KCNU1: variants seen among roughly 807,000 people sequenced by gnomAD.
KCNU1 encodes potassium channel subfamily U member 1.
Under a neutral mutation model 126.8 loss-of-function variants are expected in KCNU1, and 93 were observed. The ratio of observed to expected loss-of-function variants is 0.73; its 90% CI spans 0.62 to 0.87. The LOEUF (loss-of-function observed/expected upper bound fraction) is 0.87. Ranked by LOEUF, KCNU1 falls within the 40% of genes least tolerant of loss-of-function variation. The pLI is 0.00. For missense variants in KCNU1, 1,330 were observed against 1,367.1 expected (o/e 0.97, Z 0.43); for synonymous variants, 523 against 494.2 (o/e 1.06, Z -0.77).
At chr8:36,868,297 T>C (rs1029067512) in intron 19 of KCNU1, among the ~76,000 whole-genome samples, 2 of 152,152 alleles carry the variant, frequency 1.3e-5, no homozygotes, top group African/African-American at 4.8e-5. Context: ...AACATATGTC[T>C]AGAGGATCTA....
At chr8:36,795,865 A>C (rs530345311) in intron 2 of KCNU1, 1 of 152,332 alleles carries the variant, frequency 6.6e-6, no homozygotes, top group South Asian at 2.1e-4. Flanking sequence ...TCAGGACCAG[A>C]GTTTCATCAT....
At chr8:36,836,706 T>C (rs1804761827) in intron 13 of KCNU1, 87 bp from the exon 14 acceptor site, 5 of 1,170,408 alleles carry the variant, frequency 4.3e-6, no homozygotes, top group Non-Finnish European at 6.1e-6. Flanking sequence ...TTCAAGTAAA[T>C]TTAAAAAAAG....
chr8:36,808,000 G>T (rs534777602), intron 6 of KCNU1, among the ~76,000 whole-genome samples: 3 of 152,238 alleles, frequency 2.0e-5, no homozygotes, highest in Middle Eastern at 3.4e-3. Context: ...TGAGCAGTTT[G>T]GTCTGTTACC....
chr8:36,814,470 T>G (rs1343740605), intron 8 of KCNU1, 93 bp downstream of exon 8: 10 of 914,060 alleles, frequency 1.1e-5, no homozygotes, highest in Non-Finnish European at 1.7e-5. Flanking sequence ...GGTTTAAGAG[T>G]GAATGTTGCA....
intron 18 of KCNU1, among the ~76,000 whole-genome samples, chr8:36,857,185 A>C (rs1027313610): frequency 6.6e-6 from 1 of 152,158 alleles, no homozygotes; most frequent in East Asian, 1.9e-4. Context: ...TGCTTCTCCC[A>C]CTGTGAAACC....
chr8:36,916,019 A>C (rs1808088255), intron 22 of KCNU1, among the ~76,000 whole-genome samples: 1 of 151,672 alleles, frequency 6.6e-6, no homozygotes, highest in Admixed American at 6.6e-5. Context: ...AAAAAGAGAA[A>C]AGAATGAAGG....
At chr8:36,923,233 G>T (rs545700140) in intron 24 of KCNU1, among the ~76,000 whole-genome samples, 1 of 152,150 alleles carries the variant, frequency 6.6e-6, no homozygotes, top group Admixed American at 6.6e-5. Context: ...CACCTACTCT[G>T]CACAGGGCAC....
chr8:36,913,959 C>A (rs1468087346), intron 22 of KCNU1, among the ~76,000 whole-genome samples: 1 of 152,056 alleles, frequency 6.6e-6, no homozygotes, highest in Non-Finnish European at 1.5e-5. Context: ...GGGCTATTAC[C>A]CAGAATCTTC....
chr8:36,922,923 C>G, intron 24 of KCNU1: 1 of 531,348 alleles, frequency 1.9e-6, no homozygotes, highest in Non-Finnish European at 3.6e-6. Flanking sequence ...CAGACCAGGT[C>G]CCTTGGCATC....
intron 2 of KCNU1, 28 bp downstream of exon 2, chr8:36,787,453 T>TA (rs1802748945): frequency 6.3e-7 from 1 of 1,579,190 alleles, no homozygotes; most frequent in Non-Finnish European, 8.6e-7. Context: ...GTTAGCTTGC[T>TA]AACAAACTTT....
chr8:36,897,940 T>C (rs570634086), intron 19 of KCNU1, among the ~76,000 whole-genome samples: 2 of 152,208 alleles, frequency 1.3e-5, no homozygotes, highest in African/African-American at 4.8e-5. Context: ...CTCCATTATC[T>C]CCATTGCTTC....
intron 10 of KCNU1, among the ~76,000 whole-genome samples, chr8:36,823,921 T>C (rs888605990): frequency 6.7e-6 from 1 of 148,372 alleles, no homozygotes; most frequent in Admixed American, 6.9e-5. Flanking sequence ...CACTGCAACC[T>C]CCGCCTCCCA....
At chr8:36,901,957 T>C (rs990150781) in intron 19 of KCNU1, among the ~76,000 whole-genome samples, 1 of 152,156 alleles carries the variant, frequency 6.6e-6, no homozygotes, top group Non-Finnish European at 1.5e-5. Context: ...TATTCTTTGC[T>C]TCCATGTTCT....
intron 2 of KCNU1, among the ~76,000 whole-genome samples, chr8:36,789,615 A>G (rs1432522353): frequency 1.3e-5 from 2 of 152,182 alleles, no homozygotes; most frequent in Non-Finnish European, 2.9e-5. Context: ...GGGGGTAGAT[A>G]CGAAAATTAC....
At chr8:36,913,688 G>A (rs1230655160) in intron 22 of KCNU1, among the ~76,000 whole-genome samples, 2 of 149,172 alleles carry the variant, frequency 1.3e-5, no homozygotes, top group East Asian at 2.0e-4. Context: ...TGCAAGCTCC[G>A]CCTCCCAGGT....
chr8:36,871,862 A>G (rs761298040), intron 19 of KCNU1, among the ~76,000 whole-genome samples: 14 of 152,120 alleles, frequency 9.2e-5, no homozygotes, highest in Non-Finnish European at 1.9e-4. Context: ...TTTATTCTTC[A>G]TTTCATTTAT....
chr8:36,876,615 C>A (rs1207857140), intron 19 of KCNU1, among the ~76,000 whole-genome samples: 3 of 152,148 alleles, frequency 2.0e-5, no homozygotes, highest in Non-Finnish European at 4.4e-5. Flanking sequence ...TTATCCCCAC[C>A]TCCAGATCTG....
At chr8:36,899,764 G>C (rs980874730) in intron 19 of KCNU1, among the ~76,000 whole-genome samples, 3 of 152,088 alleles carry the variant, frequency 2.0e-5, no homozygotes, top group African/African-American at 7.2e-5. Flanking sequence ...CAGAGGTGTA[G>C]AAAGTTTTCT....
At chr8:36,858,260 A>G (rs1022778485) in intron 18 of KCNU1, among the ~76,000 whole-genome samples, 8 of 151,348 alleles carry the variant, frequency 5.3e-5, no homozygotes, top group Admixed American at 4.6e-4. Flanking sequence ...CTATTTCTAC[A>G]GGGTAATTCA....
Sources: allele counts gnomAD v4.1 joint callset (sites outside exome capture counted in the v4.1 genomes callset), GRCh38; gene constraint gnomAD v4.1.1; transcripts MANE v1.5; gene names NCBI Gene and HGNC (gene_info 2026-07-23, HGNC 2026-07-21).